Variants in PRTG observed in about 807,000 individuals in gnomAD.
The protein encoded by PRTG is protogenin, also known as immunoglobulin superfamily, DCC subclass, member 5.
Under a neutral mutation model 122.5 loss-of-function variants are expected in PRTG, and 67 were observed. That is an observed-to-expected ratio of 0.55 (90% CI 0.45 to 0.67). PRTG has a LOEUF of 0.67. Among genes scored for constraint, PRTG ranks in the 30% least tolerant of loss-of-function variants. The pLI, the probability that PRTG is intolerant of heterozygous loss-of-function variation, is 0.00. For synonymous variants in PRTG, 554 were observed against 501.1 expected (o/e 1.11, Z -1.41); for missense variants, 1,435 against 1,415.4 (o/e 1.01, Z -0.22).
chr15:55,628,970 T>C lies in PRTG; in HGVS notation c.2658A>G (p.Val886=), dbSNP rs1411417919. ...TCTTGACAATGTACACATTTCCTGC[T>C]ACCAAGTTTTCTAGCAAAGCCATGG... The part of the protein sequence containing the change: ...AITMALLENL[V]AGNVYIVKIS... Residue 886 remains valine (V), a synonymous_variant, in exon 16 of 20, where the codon GTA becomes GTG. Coordinates refer to ENST00000389286, the MANE Select transcript of PRTG (RefSeq NM_173814.6). The C allele has an allele frequency of 1.9e-6, 3 of 1,612,010 alleles. No homozygotes were observed. The highest frequency in any genetic ancestry group is 2.5e-6 in the Non-Finnish European group (3 of 1,178,674).
intron 2 of PRTG, among the ~76,000 whole-genome samples, chr15:55,737,976 T>TTCTCTCTCTCTCTCTC (rs376933626): frequency 6.5e-4 from 60 of 91,744 alleles, no homozygotes; most frequent in African/African-American, 2.1e-3. Flanking sequence ...TTAATGCCTA[T>TTCTCTCTCTCTCTCTC]TCTCTCTCTC....
intron 7 of PRTG, among the ~76,000 whole-genome samples, chr15:55,678,775 T>TTA (rs1482928887): frequency 6.6e-6 from 1 of 152,198 alleles, no homozygotes; most frequent in East Asian, 1.9e-4. Context: ...TTACAGAATA[T>TTA]TATAGTGTGT....
At chr15:55,686,672 T>C (rs574579955) in intron 2 of PRTG, among the ~76,000 whole-genome samples, 5 of 152,286 alleles carry the variant, frequency 3.3e-5, no homozygotes, top group African/African-American at 9.6e-5. Context: ...ACCATGAATC[T>C]GTGTTGCTGC....
chr15:55,728,776 G>A (rs528185134), intron 2 of PRTG, among the ~76,000 whole-genome samples: 26 of 152,168 alleles, frequency 1.7e-4, no homozygotes, highest in African/African-American at 6.3e-4. Flanking sequence ...AAAAAAAAAG[G>A]CATCCAAATT....
chr15:55,709,023 G>A (rs1386921351), intron 2 of PRTG, among the ~76,000 whole-genome samples: 1 of 151,550 alleles, frequency 6.6e-6, no homozygotes, highest in Non-Finnish European at 1.5e-5. Context: ...GTGCGTGCAT[G>A]TAGTCCCGGC....
chr15:55,624,641 G>A (rs372461068), intron 17 of PRTG, 134 bp from the exon 18 acceptor site: 30 of 627,000 alleles, frequency 4.8e-5, no homozygotes, highest in African/African-American at 4.1e-4. Flanking sequence ...TTTTAGAATC[G>A]AGTGTTAGAT....
intron 11 of PRTG, among the ~76,000 whole-genome samples, chr15:55,672,112 A>T (rs554120633): frequency 3.9e-5 from 6 of 152,308 alleles, no homozygotes; most frequent in African/African-American, 1.4e-4. Context: ...TGATATCCCT[A>T]TTCTAATTGC....
intron 16 of PRTG, among the ~76,000 whole-genome samples, chr15:55,628,480 A>G (rs2059207948): frequency 6.6e-6 from 1 of 151,856 alleles, no homozygotes; most frequent in Admixed American, 6.6e-5. Context: ...CTTGAACACC[A>G]CAACCACCAC....
chr15:55,720,790 T>A (rs771895318), intron 2 of PRTG, among the ~76,000 whole-genome samples: 1 of 152,200 alleles, frequency 6.6e-6, no homozygotes, highest in Non-Finnish European at 1.5e-5. Context: ...ACACTAATGA[T>A]AGGTGATGAG....
chr15:55,694,092 T>G (rs1018239816), intron 2 of PRTG, among the ~76,000 whole-genome samples: 13 of 152,188 alleles, frequency 8.5e-5, no homozygotes, highest in African/African-American at 3.1e-4. Flanking sequence ...GATAAATTAT[T>G]TGAAGGAGAT....
chr15:55,639,956 T>C (rs186709622), intron 12 of PRTG, 128 bp from the exon 13 acceptor site: 15 of 1,474,298 alleles, frequency 1.0e-5, no homozygotes, highest in African/African-American at 4.2e-5. Flanking sequence ...CAGAGATTCA[T>C]AGTGATCTAG....
At chr15:55,665,626 A>T (rs1422625270) in intron 11 of PRTG, among the ~76,000 whole-genome samples, 1 of 150,966 alleles carries the variant, frequency 6.6e-6, no homozygotes, top group Non-Finnish European at 1.5e-5. Context: ...GTTCACTGCA[A>T]CCTCTAGCTT....
chr15:55,719,462 T>C (rs767516142), intron 2 of PRTG, among the ~76,000 whole-genome samples: 54 of 152,196 alleles, frequency 3.5e-4, no homozygotes, highest in Admixed American at 2.6e-4. Flanking sequence ...GAATGTCTAT[T>C]AATGACTTCA....
chr15:55,723,610 A>C (rs1394485943), intron 2 of PRTG, among the ~76,000 whole-genome samples: 2 of 152,178 alleles, frequency 1.3e-5, no homozygotes, highest in Non-Finnish European at 2.9e-5. Context: ...AGACAAATTA[A>C]AAGAGATCCA....
At chr15:55,638,706 G>T in intron 13 of PRTG, 30 bp from the exon 14 acceptor site, 1 of 1,598,588 alleles carries the variant, frequency 6.3e-7, no homozygotes, top group Non-Finnish European at 8.6e-7. Flanking sequence ...AGTTGTTAAT[G>T]CTGGTAGTAT....
chr15:55,673,424 C>T lies in PRTG; in HGVS notation c.1799G>A (p.Gly600Glu). Residue 600 changes from glycine (G) to glutamate (E), a missense_variant, in exon 10 of 20, where the codon GGA (glycine) becomes GAA (glutamate). By Grantham distance (98) the Gly-to-Glu change is moderately conservative. Coordinates refer to ENST00000389286, the MANE Select transcript of PRTG (RefSeq NM_173814.6). ...RITAATRVGL[G>E]ESSVWTSHRT... ...ATGTGAAGTCCATACTGATGACTCT[C>T]CCAGCCCCACTCTGGTGGCAGCAGT... 1.2e-6 allele frequency: 2 copies of T among 1,614,140 alleles called. No individual in the cohort carries two copies. The highest frequency in any genetic ancestry group is 1.7e-6 in the Non-Finnish European group (2 of 1,180,000).
chr15:55,663,741 C>T (rs2059422630), intron 11 of PRTG, among the ~76,000 whole-genome samples: 1 of 152,168 alleles, frequency 6.6e-6, no homozygotes, highest in South Asian at 2.1e-4. Context: ...AGGGTTTCAC[C>T]ACGTTGGCCA....
At chr15:55,734,936 A>C (rs2031362490) in intron 2 of PRTG, among the ~76,000 whole-genome samples, 1 of 152,176 alleles carries the variant, frequency 6.6e-6, no homozygotes, top group Admixed American at 6.5e-5. Context: ...TGCAATTATC[A>C]ATTGTTTACT....
At chr15:55,693,007 A>AGT (rs1368093919) in intron 2 of PRTG, among the ~76,000 whole-genome samples, 1 of 142,050 alleles carries the variant, frequency 7.0e-6, no homozygotes, top group Admixed American at 7.0e-5. Flanking sequence ...CGGCCAGCTA[A>AGT]TTTTTTTTTT....
Sources: gnomAD v4.1 joint callset for allele counts (sites outside exome capture counted in the v4.1 genomes callset) on GRCh38, gnomAD v4.1.1 for gene constraint, MANE v1.5 for transcripts, NCBI Gene and HGNC (gene_info 2026-07-23, HGNC 2026-07-21) for gene names.